The following FAM168A variants were observed in gnomAD, a reference collection of about 807,000 sequenced individuals.
FAM168A encodes protein FAM168A.
FAM168A carries 3 observed loss-of-function variants against 28.5 expected under a neutral mutation model. The ratio of observed to expected loss-of-function variants is 0.11; its 90% CI spans 0.05 to 0.27. The LOEUF is 0.27. Among genes scored for constraint, FAM168A ranks in the 10% least tolerant of loss-of-function variants. FAM168A has a pLI of 1.00. For synonymous variants in FAM168A, 122 were observed against 124.2 expected, an observed-to-expected ratio of 0.98 and a Z score of 0.12; for missense variants, 222 against 311.5, an observed-to-expected ratio of 0.71 and a Z score of 2.16.
chr11:73,588,179 C>T (rs1211011915), intron 1 of FAM168A, among the ~76,000 whole-genome samples: 4 of 152,104 alleles, frequency 2.6e-5, no homozygotes, highest in East Asian at 1.9e-4. Context: ...CTTGAAAAAA[C>T]GACTGGCAGA....
chr11:73,445,032 G>A (rs1434045639), intron 2 of FAM168A, among the ~76,000 whole-genome samples: 13 of 152,076 alleles, frequency 8.5e-5, no homozygotes, highest in African/African-American at 2.2e-4. Context: ...GGCCGAGGTG[G>A]GTGGATCACC....
intron 1 of FAM168A, among the ~76,000 whole-genome samples, chr11:73,587,094 T>C (rs1307127039): frequency 6.9e-6 from 1 of 145,052 alleles, no homozygotes; most frequent in Non-Finnish European, 1.5e-5. Flanking sequence ...CATTTTATAC[T>C]GAATCAAGGC....
chr11:73,508,548 C>T (rs1023876573), intron 1 of FAM168A, among the ~76,000 whole-genome samples: 1 of 152,038 alleles, frequency 6.6e-6, no homozygotes, highest in Non-Finnish European at 1.5e-5. Flanking sequence ...TGCGTGCGTG[C>T]ATGCGTGGGT....
chr11:73,412,187 T>C (rs146973806), intron 4 of FAM168A: 1 of 148,706 alleles, frequency 6.7e-6, no homozygotes, highest in Non-Finnish European at 1.5e-5. Context: ...ATGCTGACCA[T>C]ACAAAACACC....
chr11:73,535,147 T>C (rs929796050), intron 1 of FAM168A, among the ~76,000 whole-genome samples: 2 of 152,102 alleles, frequency 1.3e-5, no homozygotes, highest in African/African-American at 2.4e-5. Context: ...GCCCAACTCA[T>C]GTATTTAAAA....
At chr11:73,523,048 C>T (rs1943404760) in intron 1 of FAM168A, among the ~76,000 whole-genome samples, 1 of 151,960 alleles carries the variant, frequency 6.6e-6, no homozygotes, top group Non-Finnish European at 1.5e-5. Context: ...CACACACACA[C>T]ACAATGAGAG....
chr11:73,483,205 G>T (rs752809660), intron 1 of FAM168A, among the ~76,000 whole-genome samples: 34 of 152,134 alleles, frequency 2.2e-4, no homozygotes, highest in Non-Finnish European at 4.6e-4. Flanking sequence ...ATAAATTGTG[G>T]TTTTTATCAT....
At chr11:73,497,195 G>A (rs1406371768) in intron 1 of FAM168A, among the ~76,000 whole-genome samples, 2 of 152,028 alleles carry the variant, frequency 1.3e-5, no homozygotes, top group Admixed American at 6.6e-5. Context: ...GGCCAGGCAC[G>A]GTGGCTCATA....
intron 1 of FAM168A, among the ~76,000 whole-genome samples, chr11:73,580,727 A>G (rs1248956680): frequency 1.3e-5 from 2 of 152,188 alleles, no homozygotes; most frequent in Non-Finnish European, 2.9e-5. Context: ...ATGTGGGGAA[A>G]ACACCTTTCC....
intron 1 of FAM168A, among the ~76,000 whole-genome samples, chr11:73,522,175 T>C (rs76523076): frequency 0.031 from 4,451 of 142,900 alleles, 220 homozygotes; most frequent in African/African-American, 0.11. Flanking sequence ...ATCTATGTAA[T>C]TCCTATAAAG....
chr11:73,534,918 C>T lies in FAM168A; in HGVS notation c.-19+63005G>A, dbSNP rs182201038. ...CAGGGTTACTATACAGCAAAGAAGA[C>T]TGTAAGTGAAATGAATATTGAGGAT... On this transcript the variant is annotated intron_variant, in intron 1 of 7. Transcript: ENST00000356467. Among the ~76,000 whole-genome samples the T allele has an allele frequency of 2.5e-3, 380 of 152,214 alleles. 2 individuals are homozygous for T. Among genetic ancestry groups the T allele is most frequent in the Non-Finnish European group, 2.8e-3 (193 of 68,008 alleles).
chr11:73,421,867 G>A (rs1866798863), intron 3 of FAM168A, among the ~76,000 whole-genome samples: 1 of 152,172 alleles, frequency 6.6e-6, no homozygotes, highest in Non-Finnish European at 1.5e-5. Context: ...AGAATTTGGA[G>A]GTTCTCTTCC....
At chr11:73,588,027 G>A (rs550770656) in intron 1 of FAM168A, among the ~76,000 whole-genome samples, 219 of 152,160 alleles carry the variant, frequency 1.4e-3, no homozygotes, top group Non-Finnish European at 2.6e-3. Flanking sequence ...TGGGATTACA[G>A]ACGTGAGCCA....
chr11:73,591,701 G>T (rs1944383926), intron 1 of FAM168A, among the ~76,000 whole-genome samples: 1 of 152,094 alleles, frequency 6.6e-6, no homozygotes, highest in Non-Finnish European at 1.5e-5. Flanking sequence ...GTAGAGACTG[G>T]ATCTCACTAT....
chr11:73,544,766 TATA>T (rs1339531226), intron 1 of FAM168A, among the ~76,000 whole-genome samples: 34 of 101,986 alleles, frequency 3.3e-4, no homozygotes, highest in African/African-American at 1.9e-3. Context: ...TGTAATTATA[TATA>T]ATTATATATA....
At chr11:73,414,512 G>A (rs1866666618) in intron 4 of FAM168A, among the ~76,000 whole-genome samples, 1 of 152,164 alleles carries the variant, frequency 6.6e-6, no homozygotes, top group Admixed American at 6.5e-5. Context: ...CCATGGTTAT[G>A]AGCAGTCTGG....
chr11:73,479,392 T>G (rs1867936212), intron 1 of FAM168A, among the ~76,000 whole-genome samples: 1 of 140,680 alleles, frequency 7.1e-6, no homozygotes, highest in Non-Finnish European at 1.6e-5. Context: ...AAAAAATATG[T>G]CATTTGATCT....
intron 2 of FAM168A, among the ~76,000 whole-genome samples, chr11:73,432,500 T>C (rs1233817586): frequency 6.6e-6 from 1 of 152,164 alleles, no homozygotes; most frequent in Non-Finnish European, 1.5e-5. Flanking sequence ...GGGATCTTAG[T>C]GTGGTTTTGA....
intron 2 of FAM168A, among the ~76,000 whole-genome samples, chr11:73,436,816 C>G (rs1867094743): frequency 6.6e-6 from 1 of 152,182 alleles, no homozygotes. Flanking sequence ...CTGCCATTTA[C>G]TTTGCCAAAA....
Sources: allele counts gnomAD v4.1 joint callset (sites outside exome capture counted in the v4.1 genomes callset), GRCh38; gene constraint gnomAD v4.1.1; transcripts MANE v1.5; gene names NCBI Gene and HGNC (gene_info 2026-07-23, HGNC 2026-07-21).